Variants in EYS observed in about 807,000 individuals in gnomAD.
EYS encodes EGF-like photoreceptor maintenance factor.
Under a neutral mutation model 282.1 loss-of-function variants are expected in EYS, and 250 were observed. That is an observed-to-expected ratio of 0.89 (90% CI 0.80 to 0.98). EYS has a LOEUF of 0.98. Ranked by LOEUF, EYS falls within the 50% of genes least tolerant of loss-of-function variation. The pLI is 0.00. For missense variants in EYS, 4,016 were observed against 3,709.0 expected, an observed-to-expected ratio of 1.08 and a Z score of -2.15; for synonymous variants, 1,355 against 1,282.9, an observed-to-expected ratio of 1.06 and a Z score of -1.20.
chr6:64,441,541 G>A (rs114842848), intron 26 of EYS, among the ~76,000 whole-genome samples: 50 of 152,222 alleles, frequency 3.3e-4, no homozygotes, highest in East Asian at 7.8e-4. Flanking sequence ...TGGTCTAGTC[G>A]GAGCAAAAGT....
At chr6:65,635,034 A>G (rs1220958823) in intron 2 of EYS, among the ~76,000 whole-genome samples, 1 of 152,180 alleles carries the variant, frequency 6.6e-6, no homozygotes, top group South Asian at 2.1e-4. Flanking sequence ...GTTTAACTGA[A>G]CTGATCTAGT....
At chr6:63,753,536 G>A (rs1402851295) in intron 41 of EYS, among the ~76,000 whole-genome samples, 1 of 152,072 alleles carries the variant, frequency 6.6e-6, no homozygotes, top group Non-Finnish European at 1.5e-5. Flanking sequence ...CATAGTGGCA[G>A]GAGAGAGAAG....
intron 12 of EYS, among the ~76,000 whole-genome samples, chr6:65,092,867 G>A (rs1449209387): frequency 1.3e-5 from 2 of 152,056 alleles, no homozygotes; most frequent in African/African-American, 4.8e-5. Context: ...CACATTGTGG[G>A]AGTCAAAGAA....
At chr6:65,185,878 G>A (rs1311400021) in intron 12 of EYS, among the ~76,000 whole-genome samples, 2 of 151,656 alleles carry the variant, frequency 1.3e-5, no homozygotes, top group Non-Finnish European at 2.9e-5. Flanking sequence ...TAAAGTAGAA[G>A]TCCCAGTTTT....
intron 35 of EYS, among the ~76,000 whole-genome samples, chr6:63,948,325 GC>G: frequency 6.6e-6 from 1 of 152,236 alleles, no homozygotes; most frequent in Middle Eastern, 3.4e-3. Flanking sequence ...CTTTCTCATA[GC>G]ATGTGCACTT....
intron 31 of EYS, among the ~76,000 whole-genome samples, chr6:64,156,767 T>C (rs1341463376): frequency 2.0e-5 from 3 of 152,196 alleles, no homozygotes; most frequent in Non-Finnish European, 2.9e-5. Context: ...TGTGGAACTT[T>C]GAACTTGAGA....
chr6:65,015,853 T>G, intron 13 of EYS, among the ~76,000 whole-genome samples: 1 of 99,284 alleles, frequency 1.0e-5, no homozygotes, highest in African/African-American at 4.4e-5. Context: ...GCCAACATGG[T>G]GAAACCTCGT....
chr6:65,246,027 T>A (rs1767170993), intron 12 of EYS, among the ~76,000 whole-genome samples: 1 of 152,130 alleles, frequency 6.6e-6, no homozygotes, highest in South Asian at 2.1e-4. Flanking sequence ...TTCTCCCTAG[T>A]ACAGTAGACA....
intron 29 of EYS, among the ~76,000 whole-genome samples, chr6:64,346,558 G>C (rs766552725): frequency 6.6e-6 from 1 of 151,650 alleles, no homozygotes; most frequent in Non-Finnish European, 1.5e-5. Flanking sequence ...GTTGTGGGGT[G>C]GGGGGAGTGG....
In EYS at chr6:64,214,896, A is replaced by G. The variant is rs536125634; in HGVS notation, c.6424+15696T>C. Among the ~76,000 whole-genome samples the G allele has an allele frequency of 9.9e-5, 15 of 152,168 alleles. No individual in the cohort carries two copies. In the East Asian group the frequency reaches 2.1e-3, roughly 22 times the overall value. On this transcript the variant is annotated intron_variant, in intron 31 of 42. Coordinates refer to ENST00000503581, the MANE Select transcript of EYS (RefSeq NM_001142800.2). ...GTGTGTAATGTTCCATTTGATATGTATGTAATATATATGTAAAATTATGCA... is the reference window on the plus strand; with the variant it reads ...GTGTGTAATGTTCCATTTGATATGTGTGTAATATATATGTAAAATTATGCA...
intron 26 of EYS, among the ~76,000 whole-genome samples, chr6:64,473,146 T>C (rs1487360360): frequency 6.6e-6 from 1 of 152,178 alleles, no homozygotes; most frequent in African/African-American, 2.4e-5. Context: ...AAGAGGAAGA[T>C]ATATGTGTAA....
At chr6:64,310,133 T>C (rs181975386) in intron 29 of EYS, among the ~76,000 whole-genome samples, 16 of 150,932 alleles carry the variant, frequency 1.1e-4, no homozygotes, top group African/African-American at 3.4e-4. Context: ...ACACCATTGG[T>C]GGGTGTGTAA....
intron 26 of EYS, among the ~76,000 whole-genome samples, chr6:64,538,016 T>C (rs1764581182): frequency 6.6e-6 from 1 of 152,208 alleles, no homozygotes; most frequent in South Asian, 2.1e-4. Flanking sequence ...GTGTCAGGTC[T>C]ATACCATAGA....
intron 14 of EYS, among the ~76,000 whole-genome samples, chr6:64,953,226 A>T (rs1036254125): frequency 6.6e-6 from 1 of 151,678 alleles, no homozygotes; most frequent in Non-Finnish European, 1.5e-5. Context: ...TTTTACTAAC[A>T]TGTGTGCTTT....
At chr6:64,120,224 CG>C (rs1189416643) in intron 31 of EYS, among the ~76,000 whole-genome samples, 1 of 150,936 alleles carries the variant, frequency 6.6e-6, no homozygotes, top group African/African-American at 2.4e-5. Flanking sequence ...GGCATGGTGG[CG>C]GGCCCCTGTA....
chr6:64,759,474 A>G (rs1773089536), intron 22 of EYS, among the ~76,000 whole-genome samples: 3 of 152,212 alleles, frequency 2.0e-5, no homozygotes, highest in Admixed American at 2.0e-4. Context: ...ATGTGTCTAT[A>G]TAAAACAAAT....
At chr6:63,989,837 T>G (rs780825665) in intron 34 of EYS, among the ~76,000 whole-genome samples, 2 of 151,452 alleles carry the variant, frequency 1.3e-5, no homozygotes, top group Non-Finnish European at 3.0e-5. Flanking sequence ...CCTTCTATAT[T>G]TTATATATAT....
intron 28 of EYS, among the ~76,000 whole-genome samples, chr6:64,414,525 A>G (rs922194686): frequency 2.0e-5 from 3 of 152,188 alleles, no homozygotes; most frequent in African/African-American, 7.2e-5. Flanking sequence ...TTGGCCAAAC[A>G]TAGAAGAATA....
At chr6:64,689,227 T>C (rs2149912742) in intron 22 of EYS, among the ~76,000 whole-genome samples, 1 of 152,104 alleles carries the variant, frequency 6.6e-6, no homozygotes, top group African/African-American at 2.4e-5. Context: ...CACAATTGCT[T>C]CAAAGAGAAT....
Sources: allele counts gnomAD v4.1 joint callset (sites outside exome capture counted in the v4.1 genomes callset), GRCh38; gene constraint gnomAD v4.1.1; transcripts MANE v1.5; gene names NCBI Gene and HGNC (gene_info 2026-07-23, HGNC 2026-07-21).